Variants in ATP2C1 observed in about 807,000 individuals in gnomAD.
The protein encoded by ATP2C1 is ATPase secretory pathway Ca2+ transporting 1.
A neutral mutation model predicts 120.5 loss-of-function variants in ATP2C1; 31 were observed. The observed-to-expected ratio is 0.26, with a 90% CI of 0.19 to 0.35. The LOEUF (loss-of-function observed/expected upper bound fraction) is 0.35. ATP2C1 is among the 10% of genes least tolerant of loss of function. The pLI, the probability that ATP2C1 is intolerant of heterozygous loss-of-function variation, is 1.00. For missense variants in ATP2C1, 731 were observed against 1,107.5 expected, an observed-to-expected ratio of 0.66 and a Z score of 4.83; for synonymous variants, 351 against 358.7, an observed-to-expected ratio of 0.98 and a Z score of 0.24.
intron 17 of ATP2C1, among the ~76,000 whole-genome samples, chr3:130,973,758 C>A (rs2061429405): frequency 6.6e-6 from 1 of 152,068 alleles, no homozygotes; most frequent in African/African-American, 2.4e-5. Context: ...ACTTTAATTT[C>A]TTTATACTTT....
At chr3:131,003,179 A>G (rs1468682264), downstream of ATP2C1, 7 of 978,230 alleles carry the variant, frequency 7.2e-6, no homozygotes, top group Non-Finnish European at 8.5e-6. Context: ...TATTAGCATT[A>G]AAATTATCCA....
At chr3:130,945,229 T>C (rs556157433) in intron 8 of ATP2C1, among the ~76,000 whole-genome samples, 62 of 152,176 alleles carry the variant, frequency 4.1e-4, no homozygotes, top group African/African-American at 1.2e-3. Flanking sequence ...TAACTTTTAG[T>C]GTTGAGAAGA....
At chr3:130,933,205 T>C (rs1402436781) in intron 4 of ATP2C1, among the ~76,000 whole-genome samples, 2 of 152,188 alleles carry the variant, frequency 1.3e-5, no homozygotes, top group Non-Finnish European at 2.9e-5. Context: ...GCCTGTAATG[T>C]AGTTAAGCAC....
At chr3:130,970,849 A>G (rs1255507494) in intron 17 of ATP2C1, among the ~76,000 whole-genome samples, 2 of 152,184 alleles carry the variant, frequency 1.3e-5, no homozygotes, top group African/African-American at 2.4e-5. Flanking sequence ...ATAAGTGGAA[A>G]CATACAGTTT....
chr3:130,951,435 C>T (rs1402085712), intron 8 of ATP2C1, among the ~76,000 whole-genome samples: 1 of 152,042 alleles, frequency 6.6e-6, no homozygotes, highest in Non-Finnish European at 1.5e-5. Flanking sequence ...GATAATTTAG[C>T]ATAGATATGT....
intron 25 of ATP2C1, 125 bp downstream of exon 25, chr3:130,997,878 A>G (rs1338055004): frequency 1.0e-6 from 1 of 953,932 alleles, no homozygotes; most frequent in Non-Finnish European, 1.6e-6. Flanking sequence ...GAAAAATATA[A>G]GAACATTTTA....
Position 131,001,965 on chromosome 3 carries a change from C to A in ATP2C1, c.*615C>A, listed in dbSNP as rs1373986717. 1.0e-6 allele frequency: 1 copy of A among 983,024 alleles called. No individual in the cohort carries two copies. The allele number at this position is 983,024 out of a possible 1,614,324, so 60.9% of individuals were successfully genotyped here. A position where few individuals can be genotyped will look rare whatever the true frequency, so the allele number is the denominator to read the frequency against. On this transcript the variant is annotated 3_prime_UTR_variant, in exon 28 of 28. Coordinates refer to ENST00000510168, the MANE Select transcript of ATP2C1 (RefSeq NM_001378687.1). The stretch of plus-strand genomic sequence containing the variant: ...TTTTGTGATTGAAAAGCCTATACTA[C>A]AATTTGAAGTAAATTTTTGTTTTTC...
chr3:130,940,487 C>G, intron 6 of ATP2C1, 143 bp from the exon 7 acceptor site: 1 of 649,216 alleles, frequency 1.5e-6, no homozygotes, highest in Non-Finnish European at 2.7e-6. Context: ...AAGGGACAAG[C>G]TTTTCTGGGT....
At chr3:130,934,004 G>T (rs1265124915) in intron 4 of ATP2C1, among the ~76,000 whole-genome samples, 2 of 152,182 alleles carry the variant, frequency 1.3e-5, no homozygotes, top group African/African-American at 4.8e-5. Context: ...ATGTCCAACT[G>T]GAAGAATTTG....
At chr3:130,978,439 C>T (rs1211292950) in intron 18 of ATP2C1, among the ~76,000 whole-genome samples, 1 of 152,086 alleles carries the variant, frequency 6.6e-6, no homozygotes, top group Admixed American at 6.6e-5. Context: ...GATGCAGGCA[C>T]ATCCCTTTGG....
In ATP2C1 at chr3:130,999,600, T is replaced by C. The variant is rs2062793824; in HGVS notation, c.2570T>C (p.Leu857Pro). ...AVLGSIMGQL[L>P]VIYFPPLQKV... ...CTTGGATCCATCATGGGACAATTAC[T>C]AGTTATTTACTTTCCTCCGCTTCAG... The change falls in exon 27 of 28, where the codon CTA becomes CCA. Residue 857 changes from leucine to proline, a missense_variant. By Grantham distance (98) the Leu-to-Pro change is moderately conservative. Transcript: ENST00000510168. 1 of 1,613,426 alleles carries C rather than the reference T, an allele frequency of 6.2e-7. No individual in the cohort carries two copies. The highest frequency in any genetic ancestry group is 8.5e-7 in the Non-Finnish European group (1 of 1,179,596).
chr3:130,929,185 G>C (rs2059349342), intron 2 of ATP2C1, among the ~76,000 whole-genome samples: 1 of 152,090 alleles, frequency 6.6e-6, no homozygotes, highest in Non-Finnish European at 1.5e-5. Flanking sequence ...CTCATTAAAA[G>C]TTGAAAAATA....
intron 3 of ATP2C1, 108 bp downstream of exon 3, chr3:130,930,634 G>T: frequency 1.3e-6 from 1 of 787,664 alleles, no homozygotes. Flanking sequence ...GAAATATTCT[G>T]TTCTGTGCCA....
At chr3:130,884,375 A>G (rs910917860) in intron 1 of ATP2C1, among the ~76,000 whole-genome samples, 6 of 152,200 alleles carry the variant, frequency 3.9e-5, no homozygotes, top group Admixed American at 2.0e-4. Context: ...AAGATGCTTG[A>G]TATTATTTCA....
intron 1 of ATP2C1, among the ~76,000 whole-genome samples, chr3:130,856,501 G>A (rs1338309747): frequency 6.6e-6 from 1 of 152,214 alleles, no homozygotes; most frequent in Non-Finnish European, 1.5e-5. Context: ...GCTCCATAAA[G>A]TCAGTAAGTT....
At chr3:130,994,444 A>G (rs1396224497) in intron 22 of ATP2C1, among the ~76,000 whole-genome samples, 2 of 152,170 alleles carry the variant, frequency 1.3e-5, no homozygotes, top group Non-Finnish European at 2.9e-5. Context: ...TGGCTTTATA[A>G]TAAATATTGA....
chr3:131,006,635 T>TTG (rs3073260), downstream of ATP2C1, among the ~76,000 whole-genome samples: 712 of 147,230 alleles, frequency 4.8e-3, 1 homozygote, highest in South Asian at 9.6e-3. Context: ...TAGTGTGTGT[T>TTG]TGTGTGTGTG....
chr3:130,883,952 T>TC, intron 1 of ATP2C1, among the ~76,000 whole-genome samples: 1 of 149,516 alleles, frequency 6.7e-6, no homozygotes, highest in South Asian at 2.1e-4. Context: ...CTTCTTTTTT[T>TC]TTTTTTTTTG....
At chr3:130,894,021 G>GC, upstream of ATP2C1, 1 of 986,504 alleles carries the variant, frequency 1.0e-6, no homozygotes, top group Non-Finnish European at 1.2e-6. This position sits in a 1 kb window ranked among gnomAD's most constrained non-coding sequence, Gnocchi z 4.5. Context: ...GCCCAGGAGT[G>GC]CGGGGCGCGA....
Sources: gnomAD v4.1 joint callset for allele counts (sites outside exome capture counted in the v4.1 genomes callset) on GRCh38, gnomAD v4.1.1 for gene constraint, Gnocchi (gnomAD v3.1) non-coding constraint, MANE v1.5 for transcripts, NCBI Gene and HGNC (gene_info 2026-07-23, HGNC 2026-07-21) for gene names.